CLMN: variants seen among roughly 807,000 people sequenced by gnomAD.
The protein encoded by CLMN is calmin.
A neutral mutation model predicts 92.7 loss-of-function variants in CLMN; 57 were observed. The observed-to-expected ratio is 0.61, with a 90% CI of 0.50 to 0.77. CLMN has a LOEUF of 0.77. Among genes scored for constraint, CLMN ranks in the 30% least tolerant of loss-of-function variants. The pLI, the probability that CLMN is intolerant of heterozygous loss-of-function variation, is 0.00. For missense variants in CLMN, 1,158 were observed against 1,237.5 expected, an observed-to-expected ratio of 0.94 and a Z score of 0.96; for synonymous variants, 466 against 470.6, an observed-to-expected ratio of 0.99 and a Z score of 0.13.
At chr14:95,236,089 A>G (rs1595606000) in intron 1 of CLMN, among the ~76,000 whole-genome samples, 1 of 152,328 alleles carries the variant, frequency 6.6e-6, no homozygotes, top group East Asian at 1.9e-4. Flanking sequence ...TTCCCATGCA[A>G]TAACTTGTCT....
chr14:95,318,227 C>T (rs953019879), intron 1 of CLMN, among the ~76,000 whole-genome samples: 2 of 152,196 alleles, frequency 1.3e-5, no homozygotes, highest in African/African-American at 4.8e-5. Flanking sequence ...CACAGTCCAG[C>T]AGAAGACACT....
Position 95,204,432 on chromosome 14 carries a change from G to A in CLMN, c.917C>T (p.Pro306Leu). The change falls in exon 9 of 13, where the codon CCT (proline) becomes CTT (leucine). Residue 306 changes from proline to leucine, a missense_variant. Coordinates refer to ENST00000298912, the MANE Select transcript of CLMN (RefSeq NM_024734.4). The stretch of plus-strand genomic sequence containing the variant: ...GATGCGAACAAAAGTGGATTCGATA[G>A]GAACTTCTTTATCTGAATCGAAAAT... ...EDIFDSDKEV[P>L]IESTFVRIKE... is the part of the protein sequence containing the mutation. 1 of 1,592,918 alleles carries A rather than the reference G, an allele frequency of 6.3e-7. No homozygotes were observed. The highest frequency in any genetic ancestry group is 8.5e-7 in the Non-Finnish European group (1 of 1,170,598).
chr14:95,272,183 C>T (rs954080896), intron 1 of CLMN, among the ~76,000 whole-genome samples: 3 of 152,066 alleles, frequency 2.0e-5, no homozygotes, highest in Admixed American at 6.6e-5. Flanking sequence ...GTGGCAAAAC[C>T]GAGGAAGGAC....
rs78561092 is a variant in CLMN at position 95,203,799 on chromosome 14, C to G, written c.1550G>C (p.Arg517Pro). 2 of 1,614,056 alleles carry G rather than the reference C, an allele frequency of 1.2e-6. No homozygotes were observed. The highest frequency in any genetic ancestry group is 1.7e-5 in the Admixed American group (1 of 60,026). ...SCNGALESTA[R>P]HDEESHSLSP... Reference sequence around the variant, plus strand: ...AAGAGAGTGACTTTCTTCATCGTGGCGGGCTGTACTCTCTAAAGCACCATT... The same window carrying G: ...AAGAGAGTGACTTTCTTCATCGTGGGGGGCTGTACTCTCTAAAGCACCATT... Residue 517 changes from arginine (R) to proline (P), a missense_variant, in exon 9 of 13, where the codon CGC becomes CCC. Arg to Pro is a moderately radical substitution (Grantham distance 103). Transcript: ENST00000298912.
At chr14:95,263,107 G>C (rs1899323287) in intron 1 of CLMN, among the ~76,000 whole-genome samples, 1 of 152,198 alleles carries the variant, frequency 6.6e-6, no homozygotes, top group African/African-American at 2.4e-5. Flanking sequence ...ACATACCCGA[G>C]ACTGGCTAAT....
At chr14:95,221,394 C>T (rs1428740790) in intron 4 of CLMN, among the ~76,000 whole-genome samples, 2 of 152,172 alleles carry the variant, frequency 1.3e-5, no homozygotes, top group African/African-American at 2.4e-5. Context: ...AAGGAGAAAA[C>T]GTGAACTGAA....
At chr14:95,304,094 T>C (rs1029603416) in intron 1 of CLMN, among the ~76,000 whole-genome samples, 1 of 152,136 alleles carries the variant, frequency 6.6e-6, no homozygotes, top group South Asian at 2.1e-4. Context: ...TCCCAGCACA[T>C]TGGGGGTCCA....
chr14:95,224,825 T>G (rs956207505), intron 2 of CLMN, among the ~76,000 whole-genome samples: 4 of 152,192 alleles, frequency 2.6e-5, no homozygotes, highest in African/African-American at 7.2e-5. Flanking sequence ...AAGTGTGCCC[T>G]CCTGAGGTGC....
Position 95,269,130 on chromosome 14 carries a change from T to C in CLMN, c.83-38997A>G, listed in dbSNP as rs146969060. ...CTTACAACCATATGTAAATCAACAATAATCTCAAAATGAAAGGTTAAAAAT... is the reference window on the plus strand; with the variant it reads ...CTTACAACCATATGTAAATCAACAACAATCTCAAAATGAAAGGTTAAAAAT... On this transcript the variant is annotated intron_variant, in intron 1 of 12. Coordinates refer to ENST00000298912, the MANE Select transcript of CLMN (RefSeq NM_024734.4). Among the ~76,000 whole-genome samples, 1,314 of 152,250 alleles carry C rather than the reference T, an allele frequency of 8.6e-3. 16 individuals are homozygous for C. The highest frequency in any genetic ancestry group is 0.029 in the African/African-American group (1,215 of 41,544).
At chr14:95,281,773 G>T (rs1189187002) in intron 1 of CLMN, among the ~76,000 whole-genome samples, 1 of 152,130 alleles carries the variant, frequency 6.6e-6, no homozygotes, top group Admixed American at 6.5e-5. Flanking sequence ...TGTACTCCTC[G>T]TGTAGAAATG....
chr14:95,185,455 C>G lies in CLMN; in HGVS notation c.*6109G>C, dbSNP rs917127242. 1.3e-5 allele frequency: 2 copies of G among 152,318 alleles called. No individual in the cohort carries two copies. Among genetic ancestry groups the G allele is most frequent in the African/African-American group, 4.8e-5 (2 of 41,430 alleles). The allele number at this position is 152,318 out of a possible 1,614,324, so 9.4% of individuals were successfully genotyped here. A position where few individuals can be genotyped will look rare whatever the true frequency, so the allele number is the denominator to read the frequency against. On this transcript the variant is annotated 3_prime_UTR_variant, in exon 13 of 13. Transcript: ENST00000298912. ...TCCTGGACCTTGTCATTAGGGCAGC[C>G]CCCTCATCAGTTGGATGGGACAGAA...
At chr14:95,252,714 C>A (rs1898838319) in intron 1 of CLMN, among the ~76,000 whole-genome samples, 1 of 152,076 alleles carries the variant, frequency 6.6e-6, no homozygotes, top group Non-Finnish European at 1.5e-5. Context: ...CTGAGTTCAA[C>A]CACCCAAGCA....
rs1209082108 is a variant in CLMN, at chr14:95,215,813, C to CTG, written c.325-81_325-80insCA. 2.8e-5 allele frequency: 24 copies of CTG among 851,488 alleles called. No homozygotes were observed. The East Asian group carries it at 2.9e-4, about 10-fold the overall frequency. 52.7% of individuals were successfully genotyped at this position (851,488 alleles called of 1,614,324 possible). A position where few individuals can be genotyped will look rare whatever the true frequency, so the allele number is the denominator to read the frequency against. ...TGTTATTTTCTGGTTCTCTCTCTCT[C>CTG]TCTGTGTGTGTGTGTGTGTGTGTGT... On this transcript the variant is annotated intron_variant, in intron 4 of 12. Coordinates refer to ENST00000298912, the MANE Select transcript of CLMN (RefSeq NM_024734.4).
Position 95,259,542 on chromosome 14 carries a change from AGCT to A in CLMN, c.83-29412_83-29410del, listed in dbSNP as rs1330910117. Among the ~76,000 whole-genome samples the A allele has an allele frequency of 6.6e-6, 1 of 152,108 alleles. No individual in the cohort carries two copies. The highest frequency in any genetic ancestry group is 2.4e-5 in the African/African-American group (1 of 41,406). ...ACGAGACAGGCTGTAGTTCCCACAG[AGCT>A]GCTGGGAGCAGGCCAGGGAAACGAG... is the stretch of plus-strand genomic sequence containing the variant. On this transcript the variant is annotated intron_variant, in intron 1 of 12. Transcript: ENST00000298912. This position sits in a 1 kb window ranked among gnomAD's most constrained non-coding sequence, Gnocchi z 4.3.
rs557399530 is a variant in CLMN, at chr14:95,187,587, G to C, written c.*3977C>G. 1 of 152,410 alleles carries C rather than the reference G, an allele frequency of 6.6e-6. No individual in the cohort carries two copies. Among genetic ancestry groups the C allele is most frequent in the East Asian group, 1.9e-4 (1 of 5,182 alleles). The allele number at this position is 152,410 out of a possible 1,614,324, so 9.4% of individuals were successfully genotyped here. A position where few individuals can be genotyped will look rare whatever the true frequency, so the allele number is the denominator to read the frequency against. ...CTTCCCATGCAGCCAGATGACCACT[G>C]TGCTCCTACTCCATGGAGAAATCAG... On this transcript the variant is annotated 3_prime_UTR_variant, in exon 13 of 13. Transcript: ENST00000298912.
intron 1 of CLMN, among the ~76,000 whole-genome samples, chr14:95,314,667 G>A (rs538336246): frequency 7.1e-4 from 108 of 152,302 alleles, no homozygotes; most frequent in African/African-American, 2.4e-3. Flanking sequence ...TGTGGCTTCC[G>A]CAGCCGCACA....
chr14:95,263,650 G>A (rs1441955374), intron 1 of CLMN, among the ~76,000 whole-genome samples: 1 of 152,246 alleles, frequency 6.6e-6, no homozygotes, highest in African/African-American at 2.4e-5. Flanking sequence ...ATAACTGGAT[G>A]TTCCAGCTGG....
In CLMN at chr14:95,294,804, C is replaced by T. The variant is rs1035177589; in HGVS notation, c.82+24907G>A. Among the ~76,000 whole-genome samples the T allele has an allele frequency of 4.6e-5, 7 of 152,178 alleles. No individual in the cohort carries two copies. The highest frequency in any genetic ancestry group is 7.4e-5 in the Non-Finnish European group (5 of 68,018). ...CCAATGGGAGGCGCTGGCAGGACAA[C>T]GTGGGGTGGAGGGGCCACATCACTT... On this transcript the variant is annotated intron_variant, in intron 1 of 12. Coordinates refer to ENST00000298912, the MANE Select transcript of CLMN (RefSeq NM_024734.4). The surrounding 1 kb of genome is among the most constrained non-coding windows in gnomAD (Gnocchi z 4.2).
intron 1 of CLMN, among the ~76,000 whole-genome samples, chr14:95,300,023 A>G (rs1376532617): frequency 6.6e-6 from 1 of 152,142 alleles, no homozygotes; most frequent in Non-Finnish European, 1.5e-5. Flanking sequence ...CGGAAATTTC[A>G]CCCCAACATA....
Sources: gnomAD v4.1 joint callset for allele counts (sites outside exome capture counted in the v4.1 genomes callset) on GRCh38, gnomAD v4.1.1 for gene constraint, Gnocchi (gnomAD v3.1) non-coding constraint, MANE v1.5 for transcripts, NCBI Gene and HGNC (gene_info 2026-07-23, HGNC 2026-07-21) for gene names.